The following SGCZ variants were observed in gnomAD, a reference collection of about 807,000 sequenced individuals.
SGCZ encodes zeta-sarcoglycan.
SGCZ carries 40 observed loss-of-function variants against 41.3 expected under a neutral mutation model. That is an observed-to-expected ratio of 0.97 (90% CI 0.75 to 1.26). SGCZ has a LOEUF of 1.26. Among genes scored for constraint, SGCZ ranks in the 50% most tolerant of loss-of-function variants. The pLI, the probability that SGCZ is intolerant of heterozygous loss-of-function variation, is 0.00. For missense variants in SGCZ, 552 were observed against 369.8 expected (o/e 1.49, Z -4.04); for synonymous variants, 206 against 137.5 (o/e 1.50, Z -3.49).
At chr8:14,863,820 T>C (rs1393178293) in intron 1 of SGCZ, among the ~76,000 whole-genome samples, 2 of 152,126 alleles carry the variant, frequency 1.3e-5, no homozygotes, top group African/African-American at 4.8e-5. Context: ...GGGTTGTAAA[T>C]GCTGGAAATA....
intron 2 of SGCZ, among the ~76,000 whole-genome samples, chr8:14,552,771 T>C (rs1256374815): frequency 6.6e-6 from 1 of 152,014 alleles, no homozygotes; most frequent in Non-Finnish European, 1.5e-5. Flanking sequence ...GGGAGTCTGA[T>C]GCATGTAGCC....
At chr8:15,076,477 G>A (rs1805535084) in intron 1 of SGCZ, among the ~76,000 whole-genome samples, 1 of 152,154 alleles carries the variant, frequency 6.6e-6, no homozygotes, top group South Asian at 2.1e-4. Context: ...TGTCGTGGAA[G>A]CAGAATTCAC....
chr8:14,525,566 T>C (rs141739956), intron 2 of SGCZ, among the ~76,000 whole-genome samples: 5 of 152,146 alleles, frequency 3.3e-5, no homozygotes, highest in African/African-American at 9.6e-5. Context: ...TCATTTGAGA[T>C]CCCACTCTCT....
intron 2 of SGCZ, among the ~76,000 whole-genome samples, chr8:14,343,131 C>T (rs2117083635): frequency 6.6e-6 from 1 of 152,318 alleles, no homozygotes; most frequent in South Asian, 2.1e-4. Context: ...ACACCTCTGC[C>T]TAAATTTCAG....
intron 4 of SGCZ, among the ~76,000 whole-genome samples, chr8:14,185,500 A>C (rs1563173076): frequency 1.3e-5 from 2 of 151,878 alleles, no homozygotes; most frequent in East Asian, 3.9e-4. Context: ...CATATACTTT[A>C]TTTTTTTTCA....
At chr8:15,135,241 C>G (rs1232460367) in intron 1 of SGCZ, among the ~76,000 whole-genome samples, 1 of 152,158 alleles carries the variant, frequency 6.6e-6, no homozygotes, top group Non-Finnish European at 1.5e-5. Flanking sequence ...GGCAAATACT[C>G]TATTTCTAAC....
chr8:15,223,636 G>A (rs1294929729), intron 1 of SGCZ, among the ~76,000 whole-genome samples: 3 of 152,092 alleles, frequency 2.0e-5, no homozygotes, highest in African/African-American at 7.2e-5. Context: ...TAACAAGGAT[G>A]TAATAAATAT....
At position 15,006,260 on chromosome 8, in the gene SGCZ, G is replaced by T. The variant is rs78895772; in HGVS notation, c.39+231325C>A. ...TCAGTCTCCAGAACGGAATAGCAAT[G>T]GCCATGATTTTCTATAAAAGCTTCC... On this transcript the variant is annotated intron_variant, in intron 1 of 7. Coordinates refer to ENST00000382080, the MANE Select transcript of SGCZ (RefSeq NM_139167.4). Among the ~76,000 whole-genome samples, 1,327 of 152,256 alleles carry T rather than the reference G, an allele frequency of 8.7e-3. 10 individuals carry two copies. Among genetic ancestry groups the T allele is most frequent in the South Asian group, 0.021 (103 of 4,824 alleles).
At chr8:14,442,889 A>G (rs1364283040) in intron 2 of SGCZ, among the ~76,000 whole-genome samples, 1 of 152,176 alleles carries the variant, frequency 6.6e-6, no homozygotes. Context: ...TGCAGATGAC[A>G]TGATTGTATA....
rs892300939 is a variant in SGCZ at position 15,237,488 on chromosome 8, C to T, written c.39+97G>A. ...GCCCCCTCGTCGTCCCGCGGGACCA[C>T]CAACTACTCCGCGCCGCTGGAGGAG... is the stretch of plus-strand genomic sequence containing the variant. On this transcript the variant is annotated intron_variant, in intron 1 of 7. Transcript: ENST00000382080. 7.6e-6 allele frequency: 11 copies of T among 1,440,360 alleles called. No individual in the cohort carries two copies. In the African/African-American group the frequency reaches 1.6e-4, roughly 20 times the overall value. 89.2% of individuals were successfully genotyped at this position (1,440,360 alleles called of 1,614,324 possible).
chr8:15,008,726 AG>A (rs1422561674), intron 1 of SGCZ, among the ~76,000 whole-genome samples: 1 of 56,444 alleles, frequency 1.8e-5, no homozygotes, highest in Non-Finnish European at 3.4e-5. Context: ...GGAGGGGAGG[AG>A]GGGGGAGGAG....
chr8:14,684,474 G>C (rs576191400), intron 1 of SGCZ, among the ~76,000 whole-genome samples: 1 of 152,192 alleles, frequency 6.6e-6, no homozygotes, highest in Admixed American at 6.5e-5. Flanking sequence ...AAAGAGCTTT[G>C]GGACATTGTA....
At chr8:14,263,335 G>A (rs575025210) in intron 3 of SGCZ, among the ~76,000 whole-genome samples, 2 of 152,144 alleles carry the variant, frequency 1.3e-5, no homozygotes, top group Admixed American at 6.5e-5. Flanking sequence ...GATCACTTGA[G>A]GCCAGGAGTT....
At chr8:14,111,584 A>G (rs542970797) in intron 5 of SGCZ, among the ~76,000 whole-genome samples, 23 of 152,328 alleles carry the variant, frequency 1.5e-4, no homozygotes, top group Non-Finnish European at 2.9e-4. Flanking sequence ...ACAATGTTCA[A>G]CACTGCTTGA....
At chr8:14,356,087 C>G (rs1803284195) in intron 2 of SGCZ, among the ~76,000 whole-genome samples, 1 of 152,168 alleles carries the variant, frequency 6.6e-6, no homozygotes, top group South Asian at 2.1e-4. Flanking sequence ...AGCTTCCAGT[C>G]AGCCACACAA....
chr8:15,189,779 G>A (rs1473954814), intron 1 of SGCZ, among the ~76,000 whole-genome samples: 2 of 152,122 alleles, frequency 1.3e-5, no homozygotes, highest in Non-Finnish European at 2.9e-5. Context: ...TTGAACTCCT[G>A]ACCTCAGGCA....
intron 2 of SGCZ, among the ~76,000 whole-genome samples, chr8:14,390,141 AG>A: frequency 1.3e-5 from 2 of 152,122 alleles, no homozygotes; most frequent in East Asian, 3.9e-4. Context: ...CTATTTATTT[AG>A]GACATAGAAT....
At chr8:14,184,713 T>G (rs1043090638) in intron 4 of SGCZ, among the ~76,000 whole-genome samples, 2 of 152,202 alleles carry the variant, frequency 1.3e-5, no homozygotes, top group East Asian at 3.9e-4. Flanking sequence ...ATTTTCCAAA[T>G]AAAGGAAAGC....
intron 6 of SGCZ, among the ~76,000 whole-genome samples, chr8:14,102,957 A>T (rs1022131050): frequency 6.6e-6 from 1 of 152,202 alleles, no homozygotes; most frequent in Non-Finnish European, 1.5e-5. Flanking sequence ...TCTTGTAAAC[A>T]TGAATGCTTT....
Sources: gnomAD v4.1 joint callset for allele counts (sites outside exome capture counted in the v4.1 genomes callset) on GRCh38, gnomAD v4.1.1 for gene constraint, MANE v1.5 for transcripts, NCBI Gene and HGNC (gene_info 2026-07-23, HGNC 2026-07-21) for gene names.